The following TXNDC16 variants were observed in gnomAD, a reference collection of about 807,000 sequenced individuals.
The protein encoded by TXNDC16 is thioredoxin domain-containing protein 16.
TXNDC16 carries 74 observed loss-of-function variants against 85.6 expected under a neutral mutation model. The observed-to-expected ratio is 0.86, with a 90% confidence interval of 0.72 to 1.05. TXNDC16 has a LOEUF of 1.05. TXNDC16 is among the 50% of genes least tolerant of loss of function. The pLI, the probability that TXNDC16 is intolerant of heterozygous loss-of-function variation, is 0.00. For missense variants in TXNDC16, 959 were observed against 947.0 expected (o/e 1.01, Z -0.17); for synonymous variants, 335 against 326.5 (o/e 1.03, Z -0.28).
chr14:52,508,177 G>C (rs1489886827), intron 9 of TXNDC16, among the ~76,000 whole-genome samples: 1 of 152,088 alleles, frequency 6.6e-6, no homozygotes, highest in African/African-American at 2.4e-5. Context: ...CTGACAAAGG[G>C]CTAATATCCA....
At chr14:52,530,844 A>C (rs553784575) in intron 6 of TXNDC16, among the ~76,000 whole-genome samples, 104 of 151,376 alleles carry the variant, frequency 6.9e-4, no homozygotes, top group African/African-American at 2.5e-3. Context: ...TTAAGTATGC[A>C]GGCATATATT....
intron 19 of TXNDC16, 145 bp downstream of exon 19, chr14:52,440,419 G>T (rs554519052): frequency 3.0e-5 from 16 of 526,408 alleles, no homozygotes; most frequent in Non-Finnish European, 3.6e-5. Flanking sequence ...TTGTTTGGGG[G>T]AGTTTTGTTA....
At chr14:52,523,457 T>C (rs2037258678) in intron 6 of TXNDC16, among the ~76,000 whole-genome samples, 2 of 152,048 alleles carry the variant, frequency 1.3e-5, no homozygotes, top group African/African-American at 2.4e-5. Flanking sequence ...TTCAAATTCT[T>C]AGAACACAAC....
intron 16 of TXNDC16, among the ~76,000 whole-genome samples, chr14:52,463,470 G>A (rs970553555): frequency 1.3e-5 from 2 of 152,156 alleles, no homozygotes; most frequent in Non-Finnish European, 2.9e-5. Flanking sequence ...ATTTGCGGCT[G>A]GGCAGCCCCC....
At chr14:52,522,290 A>G (rs1406420358) in intron 6 of TXNDC16, among the ~76,000 whole-genome samples, 1 of 152,234 alleles carries the variant, frequency 6.6e-6, no homozygotes, top group African/African-American at 2.4e-5. Flanking sequence ...GGTACTTACC[A>G]CATGCCAGGC....
intron 4 of TXNDC16, 58 bp downstream of exon 4, chr14:52,542,313 G>A: frequency 9.0e-7 from 1 of 1,108,820 alleles, no homozygotes; most frequent in Non-Finnish European, 1.3e-6. Context: ...TCAATCTTAA[G>A]CCATAAAGTT....
chr14:52,526,649 T>G (rs2037341882), intron 6 of TXNDC16, among the ~76,000 whole-genome samples: 1 of 152,230 alleles, frequency 6.6e-6, no homozygotes, highest in South Asian at 2.1e-4. Flanking sequence ...CAACCCTGTT[T>G]GCTGGCATGC....
chr14:52,529,902 T>TTA (rs1165303552), intron 6 of TXNDC16, among the ~76,000 whole-genome samples: 1 of 105,354 alleles, frequency 9.5e-6, no homozygotes, highest in African/African-American at 3.9e-5. Context: ...ATATTATATA[T>TTA]TATATATTAT....
At chr14:52,530,788 A>G (rs1359720690) in intron 6 of TXNDC16, among the ~76,000 whole-genome samples, 1 of 148,876 alleles carries the variant, frequency 6.7e-6, no homozygotes. Context: ...AGAAGAAAAA[A>G]TTCATTTACA....
chr14:52,495,732 C>A (rs2036516786), intron 9 of TXNDC16, among the ~76,000 whole-genome samples: 1 of 152,170 alleles, frequency 6.6e-6, no homozygotes, highest in South Asian at 2.1e-4. Context: ...ACTCCTAAAG[C>A]CTTATCCCAT....
At position 52,519,238 on chromosome 14, in the gene TXNDC16, T is replaced by C. The variant is rs777194877; in HGVS notation, c.448A>G (p.Ile150Val). Residue 150 changes from isoleucine to valine, a missense_variant, in exon 7 of 21, where the codon ATA (isoleucine) becomes GTA (valine). Ile to Val is a conservative substitution (Grantham distance 29). Coordinates refer to ENST00000281741, the MANE Select transcript of TXNDC16 (RefSeq NM_020784.3). The stretch of plus-strand genomic sequence containing the variant: ...GCTTTTCCTTTCAGAGCATTTTCTA[T>C]GTTCTGAAGGTCTTCCAGGTTGGTA... ...YITNLEDLQN[I>V]ENALKGKANI... 1.9e-6 allele frequency: 3 copies of C among 1,609,536 alleles called. No homozygotes were observed. The Admixed American group carries it at 5.0e-5, about 27-fold the overall frequency.
intron 4 of TXNDC16, 94 bp from the exon 5 acceptor site, chr14:52,537,766 G>T: frequency 1.4e-6 from 1 of 716,222 alleles, no homozygotes; most frequent in Non-Finnish European, 2.4e-6. Context: ...ATTACAGTTT[G>T]TTGCAGGTCA....
intron 1 of TXNDC16, among the ~76,000 whole-genome samples, chr14:52,548,796 C>G (rs1416179959): frequency 6.6e-6 from 1 of 152,102 alleles, no homozygotes. Context: ...GCAGGAGAAT[C>G]ACTTTAACCC....
intron 14 of TXNDC16, among the ~76,000 whole-genome samples, chr14:52,474,847 G>GA (rs2035985263): frequency 6.6e-6 from 1 of 152,172 alleles, no homozygotes; most frequent in Non-Finnish European, 1.5e-5. Flanking sequence ...GGGACAGACA[G>GA]AACAGCGTGT....
chr14:52,517,375 T>C (rs1404350623), intron 7 of TXNDC16, among the ~76,000 whole-genome samples: 1 of 152,158 alleles, frequency 6.6e-6, no homozygotes, highest in Non-Finnish European at 1.5e-5. Flanking sequence ...TCACTTTAAA[T>C]TGCTGATATT....
At position 52,519,254 on chromosome 14, in the gene TXNDC16, C is replaced by T. The variant is rs1248143972; in HGVS notation, c.432G>A (p.Leu144=). 6.2e-7 allele frequency: 1 copy of T among 1,605,864 alleles called. No homozygotes were observed. The highest frequency in any genetic ancestry group is 1.7e-5 in the Admixed American group (1 of 59,910). The stretch of plus-strand genomic sequence containing the variant: ...CATTTTCTATGTTCTGAAGGTCTTC[C>T]AGGTTGGTAATATATTTCACTTCAC... The part of the protein sequence containing the change: ...LFSEVKYITN[L]EDLQNIENAL... Residue 144 remains leucine (L), a synonymous_variant, in exon 7 of 21, where the codon CTG becomes CTA. Coordinates refer to ENST00000281741, the MANE Select transcript of TXNDC16 (RefSeq NM_020784.3).
intron 16 of TXNDC16, among the ~76,000 whole-genome samples, chr14:52,461,571 T>C (rs888604542): frequency 6.6e-6 from 1 of 152,214 alleles, no homozygotes; most frequent in African/African-American, 2.4e-5. Flanking sequence ...TGAGTACCCA[T>C]GTGGCACCTG....
intron 1 of TXNDC16, among the ~76,000 whole-genome samples, chr14:52,548,438 T>TG (rs1035122044): frequency 7.9e-5 from 12 of 152,132 alleles, no homozygotes; most frequent in African/African-American, 2.9e-4. Context: ...ACACTGCGCC[T>TG]GGGGTGTGAC....
intron 9 of TXNDC16, among the ~76,000 whole-genome samples, chr14:52,502,989 C>T (rs2036698511): frequency 2.0e-5 from 3 of 152,206 alleles, no homozygotes; most frequent in African/African-American, 7.2e-5. Flanking sequence ...GCTAGCACAG[C>T]AGTCTGAGAT....
Sources: gnomAD v4.1 joint callset for allele counts (sites outside exome capture counted in the v4.1 genomes callset) on GRCh38, gnomAD v4.1.1 for gene constraint, MANE v1.5 for transcripts, NCBI Gene and HGNC (gene_info 2026-07-23, HGNC 2026-07-21) for gene names.